Variants in SPIDR observed in about 807,000 individuals in gnomAD.
SPIDR encodes the protein DNA repair-scaffolding protein.
SPIDR carries 93 observed loss-of-function variants against 104.6 expected under a neutral mutation model. The ratio of observed to expected loss-of-function variants is 0.89; its 90% CI spans 0.75 to 1.06. The LOEUF (loss-of-function observed/expected upper bound fraction) is 1.06. Ranked by LOEUF, SPIDR falls within the 50% of genes least tolerant of loss-of-function variation. SPIDR has a pLI of 0.00. For missense variants in SPIDR, 1,154 were observed against 1,111.2 expected, an observed-to-expected ratio of 1.04 and a Z score of -0.55; for synonymous variants, 431 against 416.9, an observed-to-expected ratio of 1.03 and a Z score of -0.41.
At chr8:47,676,458 T>C (rs1176485753) in intron 11 of SPIDR, among the ~76,000 whole-genome samples, 1 of 152,194 alleles carries the variant, frequency 6.6e-6, no homozygotes, top group African/African-American at 2.4e-5. Context: ...ATGTGGGATG[T>C]TATAATTGCT....
At chr8:47,485,190 A>G (rs1226987825) in intron 8 of SPIDR, among the ~76,000 whole-genome samples, 13 of 152,230 alleles carry the variant, frequency 8.5e-5, no homozygotes, top group African/African-American at 2.7e-4. Context: ...ATGGCACACC[A>G]GGAGATTATA....
chr8:47,648,796 T>A (rs539804730), intron 10 of SPIDR, among the ~76,000 whole-genome samples: 1 of 152,258 alleles, frequency 6.6e-6, no homozygotes, highest in East Asian at 1.9e-4. Flanking sequence ...TAGCCAAATC[T>A]GGGGCAATTC....
chr8:47,673,652 T>A (rs531717511), intron 10 of SPIDR, 149 bp from the exon 11 acceptor site: 26 of 1,029,436 alleles, frequency 2.5e-5, no homozygotes, highest in African/African-American at 4.8e-5. Flanking sequence ...CTTTTTTTTT[T>A]CCCCCCTTGG....
rs755862455 is a variant in SPIDR, at chr8:47,702,084, CTCTCTCTCTCTCTT to C, written c.1977+70_1977+83del. On this transcript the variant is annotated intron_variant, in intron 14 of 19. Transcript: ENST00000297423. ...TCTCTCTCTCTCTCTCTCTCTCTCT[CTCTCTCTCTCTCTT>C]ACACACACACACACACACACACACA... 8.8e-3 allele frequency: 2,044 copies of C among 232,232 alleles called. 143 individuals are homozygous for C. The highest frequency in any genetic ancestry group is 0.019 in the South Asian group (196 of 10,298). The allele number at this position is 232,232 out of a possible 1,614,324, so 14.4% of individuals were successfully genotyped here.
At chr8:47,346,059 C>T (rs2051936388) in intron 5 of SPIDR, among the ~76,000 whole-genome samples, 1 of 152,150 alleles carries the variant, frequency 6.6e-6, no homozygotes, top group Non-Finnish European at 1.5e-5. Flanking sequence ...AAAGGGAATG[C>T]TTCTAGTTTT....
chr8:47,283,495 C>T (rs1316074250), intron 2 of SPIDR, among the ~76,000 whole-genome samples: 1 of 151,988 alleles, frequency 6.6e-6, no homozygotes, highest in African/African-American at 2.4e-5. Flanking sequence ...CAAAATATGA[C>T]ACAGAGACAC....
chr8:47,685,513 A>ATTTTTTTTTTTTTTTTTTTT (rs376980650), intron 11 of SPIDR, among the ~76,000 whole-genome samples: 3 of 120,972 alleles, frequency 2.5e-5, no homozygotes, highest in Non-Finnish European at 3.7e-5. Flanking sequence ...TTATTTATTT[A>ATTTTTTTTTTTTTTTTTTTT]TTTATTTTTT....
intron 5 of SPIDR, among the ~76,000 whole-genome samples, chr8:47,367,927 C>A (rs921003899): frequency 1.3e-5 from 2 of 152,118 alleles, no homozygotes; most frequent in East Asian, 3.9e-4. Flanking sequence ...AATTGTAGGA[C>A]GATGCTTGTT....
intron 7 of SPIDR, among the ~76,000 whole-genome samples, chr8:47,430,499 C>G (rs2067169965): frequency 9.4e-6 from 1 of 106,022 alleles, no homozygotes; most frequent in Admixed American, 9.7e-5. Flanking sequence ...TGGGGACGCG[C>G]TGGACTCTGT....
chr8:47,408,693 C>T (rs1331176515), intron 7 of SPIDR, among the ~76,000 whole-genome samples: 2 of 151,968 alleles, frequency 1.3e-5, no homozygotes, highest in African/African-American at 4.8e-5. Flanking sequence ...TCTAGAAAAC[C>T]CTATAAGACA....
At chr8:47,407,192 T>C (rs1052554294) in intron 6 of SPIDR, among the ~76,000 whole-genome samples, 1 of 152,260 alleles carries the variant, frequency 6.6e-6, no homozygotes, top group East Asian at 1.9e-4. Context: ...TCTTCTGCAG[T>C]GCCTGCATGT....
chr8:47,699,282 C>T (rs2079797066), intron 11 of SPIDR, among the ~76,000 whole-genome samples: 1 of 152,200 alleles, frequency 6.6e-6, no homozygotes, highest in Non-Finnish European at 1.5e-5. Flanking sequence ...TCCTTTACTC[C>T]TTGCAATAAT....
Position 47,487,572 on chromosome 8 carries a change from G to T in SPIDR, c.1097+47030G>T, listed in dbSNP as rs116916878. Among the ~76,000 whole-genome samples, 31 of 151,980 alleles carry T rather than the reference G, an allele frequency of 2.0e-4. No homozygotes were observed. In the East Asian group the frequency reaches 6.0e-3, roughly 29 times the overall value. On this transcript the variant is annotated intron_variant, in intron 8 of 19. Transcript: ENST00000297423. ...TATACATTCTTCCCAGCACCACTTC[G>T]TACTTACTCCAAAATTGACCACATA...
chr8:47,274,609 G>A (rs966657320), intron 1 of SPIDR, among the ~76,000 whole-genome samples: 4 of 148,370 alleles, frequency 2.7e-5, no homozygotes, highest in South Asian at 2.1e-4. Context: ...ATGGAGTCTC[G>A]CTCTATCACC....
At chr8:47,369,837 C>T (rs1364246225) in intron 5 of SPIDR, among the ~76,000 whole-genome samples, 4 of 152,076 alleles carry the variant, frequency 2.6e-5, no homozygotes, top group Admixed American at 2.6e-4. Context: ...TCTTATGGTC[C>T]AGTGCTGTTT....
Position 47,300,793 on chromosome 8 carries a change from T to G in SPIDR, c.525+6763T>G, listed in dbSNP as rs1286024735. Among the ~76,000 whole-genome samples, 8 of 152,368 alleles carry G rather than the reference T, an allele frequency of 5.3e-5. No homozygotes were observed. In the East Asian group the frequency reaches 1.5e-3, roughly 29 times the overall value. Reference sequence around the variant, plus strand: ...TTCTTAATCCTGAGTTCTAGTTTGATTGCACTGTGGTCTGAGAGACAGTTT... The same window carrying G: ...TTCTTAATCCTGAGTTCTAGTTTGAGTGCACTGTGGTCTGAGAGACAGTTT... On this transcript the variant is annotated intron_variant, in intron 5 of 19. Transcript: ENST00000297423.
intron 6 of SPIDR, among the ~76,000 whole-genome samples, chr8:47,406,042 G>A (rs548341771): frequency 9.9e-5 from 15 of 150,768 alleles, no homozygotes; most frequent in African/African-American, 3.4e-4. Context: ...TTTCTTACGA[G>A]GTTCTAGGCT....
intron 8 of SPIDR, among the ~76,000 whole-genome samples, chr8:47,506,869 G>A (rs1381105823): frequency 2.0e-5 from 3 of 152,106 alleles, no homozygotes; most frequent in African/African-American, 4.8e-5. Context: ...CCTCCAAATC[G>A]ATTGTTGTTC....
At chr8:47,697,292 A>G (rs1351100788) in intron 11 of SPIDR, among the ~76,000 whole-genome samples, 14 of 152,024 alleles carry the variant, frequency 9.2e-5, no homozygotes, top group African/African-American at 3.4e-4. Flanking sequence ...TTAAAAAAAA[A>G]AAAGAAAGAA....
Sources: gnomAD v4.1 joint callset for allele counts (sites outside exome capture counted in the v4.1 genomes callset) on GRCh38, gnomAD v4.1.1 for gene constraint, MANE v1.5 for transcripts, NCBI Gene and HGNC (gene_info 2026-07-23, HGNC 2026-07-21) for gene names.